The following MYO1G variants were observed in gnomAD, a reference collection of about 807,000 sequenced individuals.
MYO1G encodes the protein unconventional myosin-Ig.
Under a neutral mutation model 115.3 loss-of-function variants are expected in MYO1G, and 65 were observed. That is an observed-to-expected ratio of 0.56 (90% CI 0.46 to 0.69). MYO1G has a LOEUF of 0.69. MYO1G is among the 30% of genes least tolerant of loss of function. The pLI is 0.00. For missense variants in MYO1G, 1,204 were observed against 1,393.5 expected (o/e 0.86, Z 2.16); for synonymous variants, 510 against 552.6 (o/e 0.92, Z 1.08).
chr7:44,967,704 G>C lies in MYO1G; in HGVS notation c.1683C>G (p.Asp561Glu), dbSNP rs1193470170. 1.9e-6 allele frequency: 3 copies of C among 1,613,574 alleles called. No individual in the cohort carries two copies. In the African/African-American group the frequency reaches 4.0e-5, roughly 22 times the overall value. ...TDPTLRAMWP[D>E]GQQDITEVTK... Reference sequence around the variant, plus strand: ...TCACCTCTGTGATGTCCTGCTGCCCGTCCGGCCACATGGCCCGTAGAGTGG... The same window carrying C: ...TCACCTCTGTGATGTCCTGCTGCCCCTCCGGCCACATGGCCCGTAGAGTGG... Residue 561 changes from aspartate to glutamate, a missense_variant, in exon 14 of 22, where the codon GAC becomes GAG. Coordinates refer to ENST00000258787, the MANE Select transcript of MYO1G (RefSeq NM_033054.3).
chr7:44,969,924 C>A lies in MYO1G; in HGVS notation c.1333-49G>T, dbSNP rs770105629. ...GAAGCTCCCAAGGTCTTTCAGGCCA[C>A]CTCCCCTCCTCCGCCCCACACTCAG... On this transcript the variant is annotated intron_variant, in intron 10 of 21. Transcript: ENST00000258787. The surrounding 1 kb of genome is among the most constrained non-coding windows in gnomAD (Gnocchi z 5.0). 6.3e-7 allele frequency: 1 copy of A among 1,584,400 alleles called. No individual in the cohort carries two copies. Among genetic ancestry groups the A allele is most frequent in the East Asian group, 2.2e-5 (1 of 44,578 alleles).
chr7:44,967,756 T>C lies in MYO1G; in HGVS notation c.1650-19A>G, dbSNP rs1794873545. ...GTCCGTGCTGCAGACACAGGCCGAA[T>C]TCCCAGCCATCCTCTGGGAGAGCAG... On this transcript the variant is annotated intron_variant, in intron 13 of 21. Coordinates refer to ENST00000258787, the MANE Select transcript of MYO1G (RefSeq NM_033054.3). 1 of 1,612,934 alleles carries C rather than the reference T, an allele frequency of 6.2e-7. No individual in the cohort carries two copies. The highest frequency in any genetic ancestry group is 8.5e-7 in the Non-Finnish European group (1 of 1,179,636).
chr7:44,971,202 C>G, intron 7 of MYO1G, 143 bp from the exon 8 acceptor site: 1 of 722,892 alleles, frequency 1.4e-6, no homozygotes, highest in South Asian at 1.8e-5. Context: ...GTCAGCTGCT[C>G]ACCATGGGCA....
intron 12 of MYO1G, 115 bp from the exon 13 acceptor site, chr7:44,968,073 C>T (rs937564066): frequency 2.4e-6 from 2 of 816,890 alleles, no homozygotes; most frequent in Admixed American, 4.3e-5. Flanking sequence ...ATAGGTCAGT[C>T]TCTCTTCCTC....
chr7:44,963,067 C>G lies in MYO1G; in HGVS notation c.2803G>C (p.Gly935Arg). The G allele has an allele frequency of 6.6e-7, 1 of 1,521,720 alleles. No homozygotes were observed. The highest frequency in any genetic ancestry group is 8.8e-7 in the Non-Finnish European group (1 of 1,140,294). The allele number at this position is 1,521,720 out of a possible 1,614,324, so 94.3% of individuals were successfully genotyped here. A position where few individuals can be genotyped will look rare whatever the true frequency, so the allele number is the denominator to read the frequency against. The change falls in exon 21 of 22, where the codon GGC (glycine) becomes CGC (arginine). Residue 935 changes from glycine (G) to arginine (R), a missense_variant. By Grantham distance (125) the Gly-to-Arg change is moderately radical. Transcript: ENST00000258787. This position sits in a 1 kb window ranked among gnomAD's most constrained non-coding sequence, Gnocchi z 4.1. ...GDQLVVLHAR[G>R]QDDLVVCLHR... is the part of the protein sequence containing the mutation. ...AGGCACACCACGAGGTCGTCCTGGCCGCGGGCGTGCAGCACCACCAGCTGG... is the reference window on the plus strand; with the variant it reads ...AGGCACACCACGAGGTCGTCCTGGCGGCGGGCGTGCAGCACCACCAGCTGG...
At position 44,969,420 on chromosome 7, in the gene MYO1G, C is replaced by A. The variant is rs762799551; in HGVS notation, c.1567G>T (p.Asp523Tyr). 1 of 1,613,710 alleles carries A rather than the reference C, an allele frequency of 6.2e-7. No individual in the cohort carries two copies. Among genetic ancestry groups the A allele is most frequent in the Non-Finnish European group, 8.5e-7 (1 of 1,179,958 alleles). ...RDFRIKHYAG[D>Y]VTYSVEGFID... ...GTGGGAGGGGGCCCTTACGTGACGT[C>A]CCCTGCATAGTGCTTGATCCGGAAG... Residue 523 changes from aspartate (D) to tyrosine (Y), a missense_variant, in exon 12 of 22, where the codon GAC becomes TAC. By Grantham distance (160) the Asp-to-Tyr change is radical. Coordinates refer to ENST00000258787, the MANE Select transcript of MYO1G (RefSeq NM_033054.3). The surrounding 1 kb of genome is among the most constrained non-coding windows in gnomAD (Gnocchi z 5.0).
chr7:44,969,378 G>A lies in MYO1G; in HGVS notation c.1574+35C>T, dbSNP rs1246854724. 8 of 1,611,246 alleles carry A rather than the reference G, an allele frequency of 5.0e-6. No homozygotes were observed. Among genetic ancestry groups the A allele is most frequent in the Non-Finnish European group, 6.8e-6 (8 of 1,177,772 alleles). On this transcript the variant is annotated intron_variant, in intron 12 of 21. Transcript: ENST00000258787. The surrounding 1 kb of genome is among the most constrained non-coding windows in gnomAD (Gnocchi z 5.0). ...ATGACACATGCCATGGTGCCTGTGG[G>A]AAAGCCAGGGATGTGGGTGGGAGGG...
chr7:44,966,072 C>T lies in MYO1G; in HGVS notation c.2157+1G>A. The T allele has an allele frequency of 6.2e-7, 1 of 1,611,404 alleles. No homozygotes were observed. Among genetic ancestry groups the T allele is most frequent in the South Asian group, 1.1e-5 (1 of 91,072 alleles). ...ATGTCTTCCTGCCCCGCCCACCTCA[C>T]CTTCTGCAATAGCAGCACAATGATG... On this transcript the variant is annotated splice_donor_variant, in intron 16 of 21. Coordinates refer to ENST00000258787, the MANE Select transcript of MYO1G (RefSeq NM_033054.3). LOFTEE classifies it high-confidence loss of function. The surrounding 1 kb of genome is among the most constrained non-coding windows in gnomAD (Gnocchi z 5.0).
Position 44,967,751 on chromosome 7 carries a change from C to A in MYO1G, c.1650-14G>T, listed in dbSNP as rs1200023536. On this transcript the variant is annotated splice_polypyrimidine_tract_variant and intron_variant, in intron 13 of 21. Coordinates refer to ENST00000258787, the MANE Select transcript of MYO1G (RefSeq NM_033054.3). Reference sequence around the variant, plus strand: ...GTGGGGTCCGTGCTGCAGACACAGGCCGAATTCCCAGCCATCCTCTGGGAG... The same window carrying A: ...GTGGGGTCCGTGCTGCAGACACAGGACGAATTCCCAGCCATCCTCTGGGAG... 4.3e-6 allele frequency: 7 copies of A among 1,612,866 alleles called. No individual in the cohort carries two copies. The highest frequency in any genetic ancestry group is 5.9e-6 in the Non-Finnish European group (7 of 1,179,716).
At position 44,963,179 on chromosome 7, in the gene MYO1G, C is replaced by T. The variant is rs1233253113; in HGVS notation, c.2746-55G>A. ...CGCCTCAACCCGCACCCCAGCCTAGCCGGACTCACCCCCTCCCCAGGAAGC... is the reference window on the plus strand; with the variant it reads ...CGCCTCAACCCGCACCCCAGCCTAGTCGGACTCACCCCCTCCCCAGGAAGC... On this transcript the variant is annotated intron_variant, in intron 20 of 21. Transcript: ENST00000258787. This position sits in a 1 kb window ranked among gnomAD's most constrained non-coding sequence, Gnocchi z 4.1. 1.1e-5 allele frequency: 15 copies of T among 1,383,514 alleles called. No homozygotes were observed. The highest frequency in any genetic ancestry group is 9.3e-6 in the Non-Finnish European group (10 of 1,074,528). The allele number at this position is 1,383,514 out of a possible 1,614,324, so 85.7% of individuals were successfully genotyped here.
At chr7:44,965,526 A>G (rs1794823494) in intron 17 of MYO1G, 111 bp downstream of exon 17, 1 of 1,021,414 alleles carries the variant, frequency 9.8e-7, no homozygotes, top group African/African-American at 1.6e-5. Context: ...CTTCCCACCT[A>G]TCAAGGGGGC....
chr7:44,964,223 C>T lies in MYO1G; in HGVS notation c.2632-61G>A. On this transcript the variant is annotated intron_variant, in intron 19 of 21. Coordinates refer to ENST00000258787, the MANE Select transcript of MYO1G (RefSeq NM_033054.3). The surrounding 1 kb of genome is among the most constrained non-coding windows in gnomAD (Gnocchi z 5.1). ...CCCTGTCACCCACCAGGGCCCCAGG[C>T]TTCGGCAGTCCCTACTGCCTCCCCT... 1 of 1,457,160 alleles carries T rather than the reference C, an allele frequency of 6.9e-7. No individual in the cohort carries two copies. The highest frequency in any genetic ancestry group is 1.9e-5 in the Admixed American group (1 of 51,330). The allele number at this position is 1,457,160 out of a possible 1,614,324, so 90.3% of individuals were successfully genotyped here. A position where few individuals can be genotyped will look rare whatever the true frequency, so the allele number is the denominator to read the frequency against.
In MYO1G at chr7:44,976,897, C is replaced by T. The variant is rs1220538661; in HGVS notation, c.270G>A (p.Lys90=). The stretch of plus-strand genomic sequence containing the variant: ...CGATGCAGGTGTCCCTGGACCGGTG[C>T]TTCATTGCCTTGTAGGCGGCGTTGG... ...AVANAAYKAM[K]HRSRDTCIVI... The change falls in exon 2 of 22, where the codon AAG becomes AAA. Residue 90 remains lysine (K), a synonymous_variant. Transcript: ENST00000258787. 1 of 1,613,394 alleles carries T rather than the reference C, an allele frequency of 6.2e-7. No homozygotes were observed. The highest frequency in any genetic ancestry group is 8.5e-7 in the Non-Finnish European group (1 of 1,180,032).
At position 44,962,772 on chromosome 7, in the gene MYO1G, G is replaced by T; in HGVS notation, c.3024C>A (p.Arg1008=). The change falls in exon 22 of 22, where the codon CGC becomes CGA. Residue 1008 remains arginine, a synonymous_variant. Transcript: ENST00000258787. The surrounding 1 kb of genome is among the most constrained non-coding windows in gnomAD (Gnocchi z 5.3). ...EQPEPDFRCA[R]GSFTLLWPSR is the part of the protein sequence containing the mutation. The stretch of plus-strand genomic sequence containing the variant: ...TGGGCCAGAGCAGGGTGAAGGAGCC[G>T]CGAGCGCAGCGGAAATCGGGCTCTG... 6.7e-7 allele frequency: 1 copy of T among 1,491,092 alleles called. No individual in the cohort carries two copies. The allele number at this position is 1,491,092 out of a possible 1,614,324, so 92.4% of individuals were successfully genotyped here.
chr7:44,970,860 C>G lies in MYO1G; in HGVS notation c.1046G>C (p.Ser349Thr). The G allele has an allele frequency of 6.2e-7, 1 of 1,613,628 alleles. No homozygotes were observed. Among genetic ancestry groups the G allele is most frequent in the Non-Finnish European group, 8.5e-7 (1 of 1,180,026 alleles). The part of the protein sequence containing the change: ...IEKGHTAAEA[S>T]YARDACAKAV... ...CTTGGCACAGGCATCCCGGGCATAG[C>G]TGGCCTCAGCTGCAGTGTGGCCCTT... Residue 349 changes from serine (S) to threonine (T), a missense_variant, in exon 8 of 22, where the codon AGC (serine) becomes ACC (threonine). Coordinates refer to ENST00000258787, the MANE Select transcript of MYO1G (RefSeq NM_033054.3).
chr7:44,973,024 C>T (rs1276141703), intron 5 of MYO1G: 3 of 152,086 alleles, frequency 2.0e-5, no homozygotes, highest in African/African-American at 7.2e-5. Context: ...ATGGTCATGT[C>T]GCAGAGAGCT....
At position 44,969,146 on chromosome 7, in the gene MYO1G, G is replaced by C; in HGVS notation, c.1574+267C>G. On this transcript the variant is annotated intron_variant, in intron 12 of 21. Transcript: ENST00000258787. The surrounding 1 kb of genome is among the most constrained non-coding windows in gnomAD (Gnocchi z 5.0). The stretch of plus-strand genomic sequence containing the variant: ...CCCCCACCCCACAGATGCTGGTATA[G>C]GGTTGGGCCCAGACATGAGACGTGG... 1 of 396,018 alleles carries C rather than the reference G, an allele frequency of 2.5e-6. No individual in the cohort carries two copies. The allele number at this position is 396,018 out of a possible 1,614,324, so 24.5% of individuals were successfully genotyped here.
intron 1 of MYO1G, among the ~76,000 whole-genome samples, 168 bp from the exon 2 acceptor site, chr7:44,977,239 G>A (rs1795072711): frequency 6.6e-6 from 1 of 152,242 alleles, no homozygotes; most frequent in Admixed American, 6.5e-5. Flanking sequence ...CGTCTCCCTG[G>A]TGCCATCCTG....
In MYO1G at chr7:44,969,295, T is replaced by TG; in HGVS notation, c.1574+117dup. ...TTTCAGTGTCTTAAAGGGGTGGGGG[T>TG]GGCAGAAGTGGCCATAACACCTGTC... On this transcript the variant is annotated intron_variant, in intron 12 of 21. Transcript: ENST00000258787. The surrounding 1 kb of genome is among the most constrained non-coding windows in gnomAD (Gnocchi z 5.0). 1 of 859,742 alleles carries TG rather than the reference T, an allele frequency of 1.2e-6. No individual in the cohort carries two copies. Among genetic ancestry groups the TG allele is most frequent in the Non-Finnish European group, 2.0e-6 (1 of 502,488 alleles). The allele number at this position is 859,742 out of a possible 1,614,324, so 53.3% of individuals were successfully genotyped here. A position where few individuals can be genotyped will look rare whatever the true frequency, so the allele number is the denominator to read the frequency against.
Sources: allele counts gnomAD v4.1 joint callset (sites outside exome capture counted in the v4.1 genomes callset), GRCh38; gene constraint gnomAD v4.1.1; non-coding constraint Gnocchi (gnomAD v3.1); transcripts MANE v1.5; gene names NCBI Gene and HGNC (gene_info 2026-07-23, HGNC 2026-07-21).